LRCH1: variants seen among roughly 807,000 people sequenced by gnomAD.
LRCH1 encodes leucine rich repeats and calponin homology domain containing 1.
LRCH1 carries 23 observed loss-of-function variants against 94.9 expected under a neutral mutation model. The observed-to-expected ratio is 0.24, with a 90% CI of 0.17 to 0.34. LRCH1 has a LOEUF of 0.34. LRCH1 is among the 10% of genes least tolerant of loss of function. The probability of loss-of-function intolerance (pLI) is 1.00; values close to 1 mark genes in which losing one functional copy is unlikely to be tolerated. For missense variants in LRCH1, 790 were observed against 945.9 expected, an observed-to-expected ratio of 0.84 and a Z score of 2.16; for synonymous variants, 364 against 354.9, an observed-to-expected ratio of 1.03 and a Z score of -0.29.
chr13:46,668,942 C>CT (rs2051560441), intron 2 of LRCH1, 88 bp from the exon 3 acceptor site: 9 of 1,426,278 alleles, frequency 6.3e-6, no homozygotes, highest in Non-Finnish European at 7.7e-6. Context: ...CAGATCACTC[C>CT]TTTTTCCTTT....
At chr13:46,564,414 C>T (rs1052254349) in intron 1 of LRCH1, among the ~76,000 whole-genome samples, 4 of 152,158 alleles carry the variant, frequency 2.6e-5, no homozygotes, top group Admixed American at 6.5e-5. Context: ...CATGAAATCC[C>T]GAATCTGGAG....
At chr13:46,695,078 A>G (rs1566232119) in intron 9 of LRCH1, 61 bp downstream of exon 9, 5 of 1,582,886 alleles carry the variant, frequency 3.2e-6, no homozygotes, top group South Asian at 1.1e-5. Flanking sequence ...GCACCGTACA[A>G]TTTAAGTTGA....
intron 18 of LRCH1, among the ~76,000 whole-genome samples, chr13:46,733,653 T>C (rs974628474): frequency 7.9e-5 from 12 of 152,158 alleles, no homozygotes; most frequent in African/African-American, 2.7e-4. Flanking sequence ...AACATCTATA[T>C]ATATATACAT....
intron 13 of LRCH1, among the ~76,000 whole-genome samples, chr13:46,707,128 G>C (rs574124126): frequency 6.6e-6 from 1 of 152,200 alleles, no homozygotes; most frequent in Non-Finnish European, 1.5e-5. Flanking sequence ...TTTCCTTTCA[G>C]TGTAAGATCC....
intron 7 of LRCH1, among the ~76,000 whole-genome samples, chr13:46,690,317 GGA>G (rs1392747609): frequency 6.6e-6 from 1 of 152,094 alleles, no homozygotes; most frequent in Non-Finnish European, 1.5e-5. Flanking sequence ...TGCTTCAGTG[GGA>G]GAGAGGGGAT....
chr13:46,691,928 T>A lies in LRCH1; in HGVS notation c.1015-608T>A, dbSNP rs558141027. Among the ~76,000 whole-genome samples, 86 of 152,264 alleles carry A rather than the reference T, an allele frequency of 5.6e-4. 1 individual carries two copies. Among genetic ancestry groups the A allele is most frequent in the African/African-American group, 1.9e-3 (80 of 41,556 alleles). On this transcript the variant is annotated intron_variant, in intron 7 of 19. Coordinates refer to ENST00000389797, the MANE Select transcript of LRCH1 (RefSeq NM_001164211.2). Reference sequence around the variant, plus strand: ...TGGTCTCGATCTCTTGATCTTGTGATCCACCTGCCTCAGCCTCCCAAAGTG... The same window carrying A: ...TGGTCTCGATCTCTTGATCTTGTGAACCACCTGCCTCAGCCTCCCAAAGTG...
intron 1 of LRCH1, among the ~76,000 whole-genome samples, chr13:46,585,992 A>T (rs1183664619): frequency 6.6e-6 from 1 of 152,158 alleles, no homozygotes; most frequent in Non-Finnish European, 1.5e-5. Flanking sequence ...AGTCATGAGT[A>T]TTGGGGAAAA....
At chr13:46,559,839 C>T (rs944424902) in intron 1 of LRCH1, among the ~76,000 whole-genome samples, 1 of 152,192 alleles carries the variant, frequency 6.6e-6, no homozygotes, top group Admixed American at 6.5e-5. Flanking sequence ...TTAGCACACC[C>T]TGTCATTTAA....
chr13:46,751,682 G>A (rs915990986), exon 19 of LRCH1: 2 of 152,182 alleles, frequency 1.3e-5, no homozygotes, highest in Non-Finnish European at 2.9e-5. Flanking sequence ...TGTAACTTGG[G>A]TTACGTTAAA....
intron 1 of LRCH1, among the ~76,000 whole-genome samples, chr13:46,646,529 A>T (rs1454213890): frequency 1.3e-5 from 2 of 152,150 alleles, no homozygotes; most frequent in Non-Finnish European, 2.9e-5. Flanking sequence ...AAACCCACAA[A>T]TACTATATGC....
At position 46,553,500 on chromosome 13, in the gene LRCH1, A is replaced by G; in HGVS notation, c.104A>G (p.His35Arg). 6.5e-7 allele frequency: 1 copy of G among 1,546,866 alleles called. No homozygotes were observed. The highest frequency in any genetic ancestry group is 8.7e-7 in the Non-Finnish European group (1 of 1,145,164). ...HPHHHHHHHQ[H>R]HGGTGAPGGA... ...CACCACCACCACCACCACCATCAGC[A>G]CCACGGAGGAACCGGCGCCCCCGGC... The change falls in exon 1 of 20, where the codon CAC becomes CGC. Residue 35 changes from histidine to arginine, a missense_variant. Physicochemically the swap from His to Arg is conservative, Grantham distance 29. Coordinates refer to ENST00000389797, the MANE Select transcript of LRCH1 (RefSeq NM_001164211.2).
chr13:46,735,983 C>T (rs1222626500), intron 19 of LRCH1, among the ~76,000 whole-genome samples: 1 of 151,534 alleles, frequency 6.6e-6, no homozygotes, highest in Non-Finnish European at 1.5e-5. Flanking sequence ...TTTTAGTAGA[C>T]ACGGGGTTTT....
chr13:46,719,192 T>G (rs1417388818), intron 16 of LRCH1, among the ~76,000 whole-genome samples: 1 of 152,252 alleles, frequency 6.6e-6, no homozygotes, highest in Non-Finnish European at 1.5e-5. Context: ...TTTAGGAGAT[T>G]ATTCATAAGA....
At chr13:46,565,426 T>C (rs2050172089) in intron 1 of LRCH1, among the ~76,000 whole-genome samples, 1 of 152,180 alleles carries the variant, frequency 6.6e-6, no homozygotes, top group South Asian at 2.1e-4. Flanking sequence ...CCTTCGGTTA[T>C]GCTGCTAGTC....
chr13:46,647,126 A>G (rs2051231906), intron 1 of LRCH1, among the ~76,000 whole-genome samples: 2 of 152,050 alleles, frequency 1.3e-5, no homozygotes, highest in South Asian at 4.1e-4. Context: ...AAAAAAAAAA[A>G]AAAGAAACCA....
intron 1 of LRCH1, among the ~76,000 whole-genome samples, chr13:46,617,512 A>T (rs7985741): frequency 5.9e-5 from 9 of 152,036 alleles, no homozygotes; most frequent in Non-Finnish European, 1.0e-4. Context: ...TTTGCTCCGC[A>T]GGGAGGCTGG....
At chr13:46,612,102 A>G (rs2050754147) in intron 1 of LRCH1, among the ~76,000 whole-genome samples, 2 of 152,374 alleles carry the variant, frequency 1.3e-5, no homozygotes, top group South Asian at 2.1e-4. Flanking sequence ...AGATGAAAAT[A>G]CTTAAACAAT....
intron 1 of LRCH1, among the ~76,000 whole-genome samples, chr13:46,630,303 A>G (rs2051003055): frequency 6.6e-6 from 1 of 152,204 alleles, no homozygotes; most frequent in Non-Finnish European, 1.5e-5. Flanking sequence ...ACAGTTGATT[A>G]TAAGTTATAA....
rs928760601 is a variant in LRCH1 at position 46,616,925 on chromosome 13, A to G, written c.308-33276A>G. ...AAAGTACATTCTCAAGGGTGAGGAGAATTACAAAGAACCTTCTTAAGGGTG... is the reference window on the plus strand; with the variant it reads ...AAAGTACATTCTCAAGGGTGAGGAGGATTACAAAGAACCTTCTTAAGGGTG... On this transcript the variant is annotated intron_variant, in intron 1 of 19. Coordinates refer to ENST00000389797, the MANE Select transcript of LRCH1 (RefSeq NM_001164211.2). Among the ~76,000 whole-genome samples, 14 of 152,138 alleles carry G rather than the reference A, an allele frequency of 9.2e-5. 1 individual carries two copies. The highest frequency in any genetic ancestry group is 3.9e-4 in the Admixed American group (6 of 15,278).
Sources: gnomAD v4.1 joint callset for allele counts (sites outside exome capture counted in the v4.1 genomes callset) on GRCh38, gnomAD v4.1.1 for gene constraint, MANE v1.5 for transcripts, NCBI Gene and HGNC (gene_info 2026-07-23, HGNC 2026-07-21) for gene names.